Variants in RTN4 observed in about 807,000 individuals in gnomAD.
RTN4 encodes reticulon 4.
RTN4 carries 32 observed loss-of-function variants against 90.4 expected under a neutral mutation model. The observed-to-expected ratio is 0.35, with a 90% confidence interval of 0.27 to 0.48. RTN4 has a LOEUF of 0.48. Among genes scored for constraint, RTN4 ranks in the 20% least tolerant of loss-of-function variants. The pLI is 0.99. For synonymous variants in RTN4, 629 were observed against 552.5 expected, an observed-to-expected ratio of 1.14 and a Z score of -1.94; for missense variants, 1,706 against 1,430.2, an observed-to-expected ratio of 1.19 and a Z score of -3.11.
intron 1 of RTN4, among the ~76,000 whole-genome samples, chr2:55,045,537 C>G (rs1456095093): frequency 6.6e-6 from 1 of 152,160 alleles, no homozygotes; most frequent in African/African-American, 2.4e-5. Context: ...CACCAATTTT[C>G]TAATACTGCT....
intron 1 of RTN4, among the ~76,000 whole-genome samples, chr2:55,087,665 G>A (rs1216131540): frequency 6.6e-6 from 1 of 151,796 alleles, no homozygotes; most frequent in African/African-American, 2.4e-5. Context: ...TTATTCATGT[G>A]TCTTTGTACC....
intron 1 of RTN4, among the ~76,000 whole-genome samples, chr2:55,033,136 A>G (rs1171323560): frequency 6.6e-6 from 1 of 152,118 alleles, no homozygotes; most frequent in Non-Finnish European, 1.5e-5. Context: ...ACAAAGCTCA[A>G]TGTACTCCAA....
intron 5 of RTN4, among the ~76,000 whole-genome samples, chr2:54,976,163 C>T (rs1271931064): frequency 1.3e-5 from 2 of 152,154 alleles, no homozygotes; most frequent in Admixed American, 6.5e-5. Context: ...ACTCTAGCAA[C>T]GAAGATGCCC....
the RTN4 span, among the ~76,000 whole-genome samples, chr2:55,131,052 A>G: frequency 6.6e-6 from 1 of 152,124 alleles, no homozygotes; most frequent in Non-Finnish European, 1.5e-5. Context: ...GTATTGTATG[A>G]TGATACTTTT....
At position 54,987,614 on chromosome 2, in the gene RTN4, A is replaced by G; in HGVS notation, c.3098T>C (p.Val1033Ala). 1 of 1,614,212 alleles carries G rather than the reference A, an allele frequency of 6.2e-7. No homozygotes were observed. The highest frequency in any genetic ancestry group is 1.3e-5 in the African/African-American group (1 of 75,064). The part of the protein sequence containing the change: ...ASLFLLLSLT[V>A]FSIVSVTAYI... Reference sequence around the variant, plus strand: ...GGCTGTTACGCTCACAATGCTGAATACTGTCAATGAAAGCAGCAGGAATAG... The same window carrying G: ...GGCTGTTACGCTCACAATGCTGAATGCTGTCAATGAAAGCAGCAGGAATAG... Residue 1033 changes from valine to alanine, a missense_variant, in exon 4 of 9, where the codon GTA becomes GCA. Val to Ala is a moderately conservative substitution (Grantham distance 64). Transcript: ENST00000337526.
chr2:55,026,061 G>A lies in RTN4; in HGVS notation c.2038C>T (p.Pro680Ser). The part of the protein sequence containing the change: ...VSGIKEEIKE[P>S]ENINAALQET... ...TGAAGAGCTGCATTAATATTTTCAG[G>A]CTCTTTAATTTCTTCCTTTATTCCT... Residue 680 changes from proline (P) to serine (S), a missense_variant, in exon 3 of 9, where the codon CCT becomes TCT. Coordinates refer to ENST00000337526, the MANE Select transcript of RTN4 (RefSeq NM_020532.5). 6.2e-7 allele frequency: 1 copy of A among 1,610,342 alleles called. No homozygotes were observed. Among genetic ancestry groups the A allele is most frequent in the Non-Finnish European group, 8.5e-7 (1 of 1,179,108 alleles).
chr2:55,001,780 C>A (rs540992976), intron 3 of RTN4, among the ~76,000 whole-genome samples: 1 of 152,284 alleles, frequency 6.6e-6, no homozygotes, highest in East Asian at 1.9e-4. Flanking sequence ...CATTTTTAAA[C>A]CACTGAACAT....
chr2:55,027,135 C>G lies in RTN4; in HGVS notation c.964G>C (p.Glu322Gln). Residue 322 changes from glutamate (E) to glutamine (Q), a missense_variant, in exon 3 of 9, where the codon GAA (glutamate) becomes CAA (glutamine). Glu to Gln is a conservative substitution (Grantham distance 29). Transcript: ENST00000337526. Reference sequence around the variant, plus strand: ...TCATCTTTATTTTTCACGATTATTTCTTCCCTAGGATTTGCTACTATTACG... The same window carrying G: ...TCATCTTTATTTTTCACGATTATTTGTTCCCTAGGATTTGCTACTATTACG... Reference protein sequence around the residue: ...SAVIVANPREEIIVKNKDEEE... With the variant: ...SAVIVANPREQIIVKNKDEEE... The G allele has an allele frequency of 6.2e-7, 1 of 1,613,394 alleles. No homozygotes were observed. Among genetic ancestry groups the G allele is most frequent in the Non-Finnish European group, 8.5e-7 (1 of 1,179,718 alleles).
chr2:55,036,318 T>C (rs937988548), intron 1 of RTN4, among the ~76,000 whole-genome samples: 1 of 151,942 alleles, frequency 6.6e-6, no homozygotes, highest in African/African-American at 2.4e-5. Context: ...AATCAAACAA[T>C]AGGTCGCACG....
Position 55,026,974 on chromosome 2 carries a change from T to C in RTN4, c.1125A>G (p.Ala375=), listed in dbSNP as rs1356264179. ...ATTCCTCCCTCATAGGAGCTTCCACTGCAACTCTCTTTTCATTAAAACTGT... is the reference window on the plus strand; with the variant it reads ...ATTCCTCCCTCATAGGAGCTTCCACCGCAACTCTCTTTTCATTAAAACTGT... ...AKDSFNEKRV[A]VEAPMREEYA... Residue 375 remains alanine (A), a synonymous_variant, in exon 3 of 9, where the codon GCA becomes GCG. Coordinates refer to ENST00000337526, the MANE Select transcript of RTN4 (RefSeq NM_020532.5). The C allele has an allele frequency of 6.2e-7, 1 of 1,613,450 alleles. No individual in the cohort carries two copies. Among genetic ancestry groups the C allele is most frequent in the Admixed American group, 1.7e-5 (1 of 59,972 alleles).
Position 55,027,490 on chromosome 2 carries a change from G to A in RTN4, c.614-5C>T, listed in dbSNP as rs767460396. ...GCTCCTTCAAGTCCATATTTTCTGT[G>A]ACCATGGACAGAAAGGAAAGTTAGA... On this transcript the variant is annotated splice_polypyrimidine_tract_variant and splice_region_variant and intron_variant, in intron 2 of 8. Coordinates refer to ENST00000337526, the MANE Select transcript of RTN4 (RefSeq NM_020532.5). 1 of 1,585,470 alleles carries A rather than the reference G, an allele frequency of 6.3e-7. No homozygotes were observed. Among genetic ancestry groups the A allele is most frequent in the East Asian group, 2.2e-5 (1 of 44,668 alleles).
At position 54,973,204 on chromosome 2, in the gene RTN4, A is replaced by AATG; in HGVS notation, c.3537-9_3537-7dup. ...CAGGGATTTTTGCTTGGATTCTGAA[A>AATG]ATGAAAAAGTCAATGTAAATATCAG... is the stretch of plus-strand genomic sequence containing the variant. On this transcript the variant is annotated splice_polypyrimidine_tract_variant and splice_region_variant and intron_variant, in intron 8 of 8. Coordinates refer to ENST00000337526, the MANE Select transcript of RTN4 (RefSeq NM_020532.5). The AATG allele has an allele frequency of 6.2e-7, 1 of 1,602,352 alleles. No homozygotes were observed. Among genetic ancestry groups the AATG allele is most frequent in the Admixed American group, 1.7e-5 (1 of 59,870 alleles).
intron 1 of RTN4, among the ~76,000 whole-genome samples, chr2:55,102,530 AT>A (rs1553453270): frequency 1.5e-4 from 23 of 151,636 alleles, no homozygotes; most frequent in Admixed American, 4.0e-4. Context: ...TTTTCTTTTG[AT>A]TTTTTTTTAA....
At chr2:55,094,336 T>C (rs1397331118) in intron 1 of RTN4, among the ~76,000 whole-genome samples, 1 of 152,198 alleles carries the variant, frequency 6.6e-6, no homozygotes, top group Non-Finnish European at 1.5e-5. Flanking sequence ...AGGAAATACA[T>C]GTTTGTTGTT....
At chr2:55,013,895 C>A (rs894466905) in intron 3 of RTN4, among the ~76,000 whole-genome samples, 2 of 152,020 alleles carry the variant, frequency 1.3e-5, no homozygotes, top group Admixed American at 1.3e-4. Flanking sequence ...AAATGCTACT[C>A]TGAAAGTTAG....
chr2:55,030,778 G>A (rs933734776), intron 1 of RTN4, among the ~76,000 whole-genome samples: 46 of 152,162 alleles, frequency 3.0e-4, no homozygotes, highest in African/African-American at 9.4e-4. Flanking sequence ...TCTTCTGAAG[G>A]ATGTATTTAT....
rs761352266 is a variant in RTN4 at position 54,974,828 on chromosome 2, T to G, written c.3361-64A>C. 1.5e-4 allele frequency: 205 copies of G among 1,396,468 alleles called. 1 individual carries two copies. Among genetic ancestry groups the G allele is most frequent in the Middle Eastern group, 5.5e-4 (3 of 5,428 alleles). 86.5% of individuals were successfully genotyped at this position (1,396,468 alleles called of 1,614,324 possible). A position where few individuals can be genotyped will look rare whatever the true frequency, so the allele number is the denominator to read the frequency against. On this transcript the variant is annotated intron_variant, in intron 5 of 8. Transcript: ENST00000337526. ...CAAGTAAAGTTTCTTAATTATGCTT[T>G]CAAAAGCATCCCATCTAAATGCCTA...
chr2:55,088,542 C>T (rs147077639), intron 1 of RTN4, among the ~76,000 whole-genome samples: 1 of 152,354 alleles, frequency 6.6e-6, no homozygotes, highest in East Asian at 1.9e-4. Flanking sequence ...CCCTGGACAA[C>T]ATACAGATGT....
chr2:54,985,976 C>T (rs1678526465), intron 4 of RTN4, among the ~76,000 whole-genome samples: 2 of 152,284 alleles, frequency 1.3e-5, no homozygotes, highest in East Asian at 3.9e-4. Flanking sequence ...TTAGTTAATG[C>T]AGTAGGAACT....
Sources: allele counts gnomAD v4.1 joint callset (sites outside exome capture counted in the v4.1 genomes callset), GRCh38; gene constraint gnomAD v4.1.1; transcripts MANE v1.5; gene names NCBI Gene and HGNC (gene_info 2026-07-23, HGNC 2026-07-21).